The following TNS3 variants were observed in gnomAD, a reference collection of about 807,000 sequenced individuals.
TNS3 encodes the protein tensin 3.
In TNS3, 45 loss-of-function variants were observed where a neutral mutation model predicts 140.9. That is an observed-to-expected ratio of 0.32 (90% confidence interval 0.25 to 0.41). The LOEUF is 0.41. Ranked by LOEUF, TNS3 falls within the 10% of genes least tolerant of loss-of-function variation. TNS3 has a pLI of 1.00. For synonymous variants in TNS3, 815 were observed against 788.4 expected (o/e 1.03, Z -0.56); for missense variants, 1,716 against 1,906.7 (o/e 0.90, Z 1.86).
At chr7:47,313,139 A>C (rs1370386109) in intron 20 of TNS3, among the ~76,000 whole-genome samples, 2 of 152,104 alleles carry the variant, frequency 1.3e-5, no homozygotes, top group Non-Finnish European at 2.9e-5. Flanking sequence ...CTTCATCTGA[A>C]GGCTTCCTGG....
At chr7:47,476,468 G>A (rs1435657538) in intron 4 of TNS3, among the ~76,000 whole-genome samples, 2 of 152,226 alleles carry the variant, frequency 1.3e-5, no homozygotes, top group Non-Finnish European at 1.5e-5. Flanking sequence ...GAACAATGGT[G>A]AAGCATTCTC....
At chr7:47,492,535 T>G (rs767822425) in intron 3 of TNS3, among the ~76,000 whole-genome samples, 1 of 152,114 alleles carries the variant, frequency 6.6e-6, no homozygotes, top group East Asian at 1.9e-4. Context: ...CCTGCCCACC[T>G]CCTACTGGGC....
chr7:47,460,399 G>A (rs540396475), intron 4 of TNS3, among the ~76,000 whole-genome samples: 85 of 152,224 alleles, frequency 5.6e-4, no homozygotes, highest in African/African-American at 2.0e-3. Context: ...GGTGATAACC[G>A]CCCATTGCTG....
At chr7:47,315,387 C>G (rs889828060) in intron 20 of TNS3, among the ~76,000 whole-genome samples, 4 of 152,212 alleles carry the variant, frequency 2.6e-5, no homozygotes, top group Non-Finnish European at 4.4e-5. Context: ...ACTTGGGAGG[C>G]GCGTGCCCGT....
chr7:47,315,506 C>T (rs1040162381), intron 20 of TNS3, among the ~76,000 whole-genome samples: 5 of 152,212 alleles, frequency 3.3e-5, no homozygotes, highest in Admixed American at 6.5e-5. Context: ...CTTTTCCAAA[C>T]GATCTATTTT....
intron 27 of TNS3, among the ~76,000 whole-genome samples, chr7:47,285,349 G>T (rs1380858943): frequency 2.6e-5 from 4 of 152,220 alleles, no homozygotes; most frequent in Non-Finnish European, 5.9e-5. Context: ...TAATTCCCAT[G>T]TGTGGTGGGA....
chr7:47,469,504 GA>G (rs1796857083), intron 4 of TNS3, among the ~76,000 whole-genome samples: 1 of 152,154 alleles, frequency 6.6e-6, no homozygotes, highest in African/African-American at 2.4e-5. Context: ...ATTTCTCAAA[GA>G]ACTTAAAACA....
intron 2 of TNS3, among the ~76,000 whole-genome samples, chr7:47,524,524 C>T (rs1011382550): frequency 1.3e-5 from 2 of 151,986 alleles, no homozygotes; most frequent in Non-Finnish European, 1.5e-5. Context: ...AATGGGAGGC[C>T]GGGCGCGGTG....
chr7:47,518,788 T>C (rs1160258572), intron 2 of TNS3, among the ~76,000 whole-genome samples: 2 of 152,218 alleles, frequency 1.3e-5, no homozygotes, highest in African/African-American at 4.8e-5. Context: ...AACCCCTTGA[T>C]GAGTATCAGT....
intron 27 of TNS3, among the ~76,000 whole-genome samples, chr7:47,290,309 C>T (rs1170941428): frequency 6.6e-6 from 1 of 152,092 alleles, no homozygotes; most frequent in Non-Finnish European, 1.5e-5. Flanking sequence ...TTGGTGGTGA[C>T]TTTTAAGATA....
chr7:47,530,858 T>TATATATATATATATATATATATA (rs60516528), intron 1 of TNS3, among the ~76,000 whole-genome samples: 4 of 131,652 alleles, frequency 3.0e-5, no homozygotes, highest in African/African-American at 5.6e-5. Context: ...TATATATATA[T>TATATATATATATATATATATATA]TTCTAGCACA....
chr7:47,293,643 A>G lies in TNS3; in HGVS notation c.3772+90T>C, dbSNP rs1017506802. 1.3e-5 allele frequency: 14 copies of G among 1,106,176 alleles called. No homozygotes were observed. The Admixed American group carries it at 2.4e-4, about 19-fold the overall frequency. 68.5% of individuals were successfully genotyped at this position (1,106,176 alleles called of 1,614,324 possible). A position where few individuals can be genotyped will look rare whatever the true frequency, so the allele number is the denominator to read the frequency against. ...TGAAATATGAGTAAACCACCATAAG[A>G]GTGATAGTCCCAAATCTCAGGTTGG... On this transcript the variant is annotated intron_variant, in intron 25 of 30. Transcript: ENST00000311160.
chr7:47,463,765 G>A (rs951512071), intron 4 of TNS3, among the ~76,000 whole-genome samples: 19 of 152,224 alleles, frequency 1.2e-4, no homozygotes, highest in Middle Eastern at 3.4e-3. Flanking sequence ...CCCGAATTTT[G>A]AGTCTTTTTG....
chr7:47,360,256 C>T (rs575578287), intron 17 of TNS3, among the ~76,000 whole-genome samples: 6 of 152,284 alleles, frequency 3.9e-5, no homozygotes, highest in South Asian at 2.1e-4. Context: ...TTCATACCCA[C>T]GGCCCTAAAG....
At chr7:47,540,314 G>A (rs570922202) in intron 1 of TNS3, among the ~76,000 whole-genome samples, 14 of 152,218 alleles carry the variant, frequency 9.2e-5, no homozygotes, top group African/African-American at 1.4e-4. Context: ...AATTCCAGAC[G>A]GCTAAGGCAG....
intron 17 of TNS3, among the ~76,000 whole-genome samples, chr7:47,357,545 GAGGGCAT>G (rs1319185141): frequency 6.6e-6 from 1 of 152,186 alleles, no homozygotes; most frequent in African/African-American, 2.4e-5. Context: ...CTTCCACGTG[GAGGGCAT>G]AGCCTTAAAG....
chr7:47,498,351 G>C (rs1324116714), intron 3 of TNS3, among the ~76,000 whole-genome samples: 1 of 152,232 alleles, frequency 6.6e-6, no homozygotes, highest in Non-Finnish European at 1.5e-5. Flanking sequence ...GCCACGTGCA[G>C]GATGCAGGGA....
At chr7:47,280,541 C>T (rs1020701254) in intron 28 of TNS3, among the ~76,000 whole-genome samples, 187 bp from the exon 29 acceptor site, 29 of 152,176 alleles carry the variant, frequency 1.9e-4, no homozygotes, top group Admixed American at 4.6e-4. Flanking sequence ...TGAAGCTGGG[C>T]AGAACAGTTG....
Position 47,275,827 on chromosome 7 carries a change from TC to T in TNS3, c.*2248del, listed in dbSNP as rs942761121. The T allele has an allele frequency of 2.2e-6, 1 of 455,912 alleles. No individual in the cohort carries two copies. Among genetic ancestry groups the T allele is most frequent in the African/African-American group, 2.0e-5 (1 of 50,072 alleles). 28.2% of individuals were successfully genotyped at this position (455,912 alleles called of 1,614,324 possible). ...GTTCAAAAAGCACGTTTGCAGGGCT[TC>T]CTGAATGCCGTCGAGGCATGGCTTC... is the stretch of plus-strand genomic sequence containing the variant. On this transcript the variant is annotated 3_prime_UTR_variant, in exon 31 of 31. Transcript: ENST00000311160.
Sources: allele counts gnomAD v4.1 joint callset (sites outside exome capture counted in the v4.1 genomes callset), GRCh38; gene constraint gnomAD v4.1.1; transcripts MANE v1.5; gene names NCBI Gene and HGNC (gene_info 2026-07-23, HGNC 2026-07-21).